VRTN: variants seen among roughly 807,000 people sequenced by gnomAD.
VRTN encodes the protein vertnin.
A neutral mutation model predicts 18.2 loss-of-function variants in VRTN; 5 were observed. The ratio of observed to expected loss-of-function variants is 0.27; its 90% CI spans 0.14 to 0.58. VRTN has a LOEUF of 0.58. Among genes scored for constraint, VRTN ranks in the 20% least tolerant of loss-of-function variants. The pLI is 0.91. For synonymous variants in VRTN, 381 were observed against 393.7 expected, an observed-to-expected ratio of 0.97 and a Z score of 0.38; for missense variants, 741 against 939.4, an observed-to-expected ratio of 0.79 and a Z score of 2.76.
chr14:74,319,016 C>T (rs1346883711), intron 1 of VRTN, among the ~76,000 whole-genome samples: 10 of 151,504 alleles, frequency 6.6e-5, no homozygotes, highest in Non-Finnish European at 1.5e-4. Context: ...TGCCTGGTCT[C>T]GGGATTTTTT....
At position 74,359,245 on chromosome 14, in the gene VRTN, T is replaced by G; in HGVS notation, c.*353T>G. 3 of 217,610 alleles carry G rather than the reference T, an allele frequency of 1.4e-5. No homozygotes were observed. The highest frequency in any genetic ancestry group is 5.3e-5 in the Admixed American group (1 of 18,968). 13.5% of individuals were successfully genotyped at this position (217,610 alleles called of 1,614,324 possible). On this transcript the variant is annotated 3_prime_UTR_variant, in exon 2 of 2. Transcript: ENST00000256362. ...TCAGGGGGTTTAGAGGGGGGTTGGT[T>G]AGCTAGAGCTGCTTTCAGCTTTTCC...
At chr14:74,338,160 A>G (rs1042453761) in intron 2 of VRTN, among the ~76,000 whole-genome samples, 1 of 152,206 alleles carries the variant, frequency 6.6e-6, no homozygotes, top group East Asian at 1.9e-4. Flanking sequence ...CTATGTAACC[A>G]TCATACTGTT....
At chr14:74,350,433 T>C (rs377215182) in intron 1 of VRTN, among the ~76,000 whole-genome samples, 1 of 152,158 alleles carries the variant, frequency 6.6e-6, no homozygotes. Flanking sequence ...CAAGAGGAAG[T>C]GTGGCATATC....
intron 1 of VRTN, among the ~76,000 whole-genome samples, chr14:74,350,869 A>G (rs903838193): frequency 6.6e-6 from 1 of 152,222 alleles, no homozygotes; most frequent in Non-Finnish European, 1.5e-5. Flanking sequence ...GCTGGCAGAT[A>G]CTTGTTAACA....
At chr14:74,321,741 T>C (rs2085457218) in intron 1 of VRTN, among the ~76,000 whole-genome samples, 1 of 151,846 alleles carries the variant, frequency 6.6e-6, no homozygotes, top group South Asian at 2.1e-4. Flanking sequence ...TGACCTCAGG[T>C]GATTCACTTG....
chr14:74,351,530 T>C (rs2085684362), intron 1 of VRTN, among the ~76,000 whole-genome samples: 1 of 132,396 alleles, frequency 7.6e-6, no homozygotes, highest in Admixed American at 8.6e-5. Context: ...TAAGACAGTC[T>C]CACTCTGACA....
At chr14:74,344,869 A>G (rs895395247), upstream of VRTN, among the ~76,000 whole-genome samples, 1 of 152,006 alleles carries the variant, frequency 6.6e-6, no homozygotes, top group Admixed American at 6.6e-5. Flanking sequence ...ATAGTAGACT[A>G]CCATTTGTGC....
rs908309399 is a variant in VRTN at position 74,358,583 on chromosome 14, G to A, written c.1800G>A (p.Glu600=). Residue 600 remains glutamate (E), a synonymous_variant, in exon 2 of 2, where the codon GAG becomes GAA. Coordinates refer to ENST00000256362, the MANE Select transcript of VRTN (RefSeq NM_018228.3). The surrounding 1 kb of genome is among the most constrained non-coding windows in gnomAD (Gnocchi z 5.4). ...PPVGASSEDV[E]GGPSREGALQ... is the part of the protein sequence containing the mutation. Reference sequence around the variant, plus strand: ...TGGGGGCTTCTTCAGAAGATGTAGAGGGAGGGCCTTCCAGAGAGGGGGCCC... The same window carrying A: ...TGGGGGCTTCTTCAGAAGATGTAGAAGGAGGGCCTTCCAGAGAGGGGGCCC... 6.2e-7 allele frequency: 1 copy of A among 1,603,354 alleles called. No homozygotes were observed.
At chr14:74,315,344 GT>G (rs746550948) in intron 1 of VRTN, among the ~76,000 whole-genome samples, 7 of 152,166 alleles carry the variant, frequency 4.6e-5, no homozygotes, top group Non-Finnish European at 8.8e-5. Flanking sequence ...CTCCTGAGTA[GT>G]TGGTATAACA....
chr14:74,320,412 C>T (rs1220750727), intron 1 of VRTN, among the ~76,000 whole-genome samples: 19 of 150,320 alleles, frequency 1.3e-4, no homozygotes, highest in South Asian at 2.1e-4. Flanking sequence ...AGGCGCCCGC[C>T]GCCACCACGC....
At chr14:74,343,503 G>A (rs982641742), upstream of VRTN, among the ~76,000 whole-genome samples, 7 of 152,172 alleles carry the variant, frequency 4.6e-5, no homozygotes, top group Non-Finnish European at 1.5e-5. Context: ...TGAAGGTACG[G>A]CTATACTTGT....
chr14:74,344,473 C>T (rs201781326), upstream of VRTN, among the ~76,000 whole-genome samples: 5 of 149,534 alleles, frequency 3.3e-5, no homozygotes, highest in East Asian at 9.8e-4. Flanking sequence ...TGGCTCACAC[C>T]TGTAATCCTA....
chr14:74,342,787 TC>T (rs929767230), intron 2 of VRTN, among the ~76,000 whole-genome samples: 5 of 152,180 alleles, frequency 3.3e-5, no homozygotes, highest in African/African-American at 1.2e-4. Flanking sequence ...GCTAACTTTT[TC>T]TTTTTTACTT....
At chr14:74,311,175 G>A (rs2085386224) in intron 1 of VRTN, among the ~76,000 whole-genome samples, 1 of 151,986 alleles carries the variant, frequency 6.6e-6, no homozygotes, top group Non-Finnish European at 1.5e-5. Flanking sequence ...TAATCAACTA[G>A]TTTTTTAATT....
intron 1 of VRTN, among the ~76,000 whole-genome samples, chr14:74,349,313 G>T (rs532202567): frequency 3.3e-5 from 4 of 122,116 alleles, no homozygotes; most frequent in South Asian, 6.1e-4. Context: ...AGCAAAGATG[G>T]CTGGCGCTCC....
chr14:74,335,908 T>C (rs1184715597), intron 1 of VRTN, among the ~76,000 whole-genome samples: 1 of 151,644 alleles, frequency 6.6e-6, no homozygotes, highest in African/African-American at 2.4e-5. Flanking sequence ...GCCCAGCTAA[T>C]TTTTGTGTCT....
intron 2 of VRTN, among the ~76,000 whole-genome samples, chr14:74,340,566 A>T (rs1040235107): frequency 6.6e-6 from 1 of 151,980 alleles, no homozygotes. Flanking sequence ...TTGAGTTTCA[A>T]CTCTCACACT....
At chr14:74,322,356 C>T (rs1244780547) in intron 1 of VRTN, among the ~76,000 whole-genome samples, 6 of 151,886 alleles carry the variant, frequency 4.0e-5, no homozygotes, top group Non-Finnish European at 7.4e-5. Flanking sequence ...CACTGTGTTG[C>T]CCAGACAGAT....
intron 1 of VRTN, among the ~76,000 whole-genome samples, chr14:74,320,120 A>G (rs559322464): frequency 5.3e-5 from 8 of 152,200 alleles, no homozygotes; most frequent in African/African-American, 1.7e-4. Context: ...GCATGCTCCT[A>G]TACTCCTAGC....
Sources: gnomAD v4.1 joint callset for allele counts (sites outside exome capture counted in the v4.1 genomes callset) on GRCh38, gnomAD v4.1.1 for gene constraint, Gnocchi (gnomAD v3.1) non-coding constraint, MANE v1.5 for transcripts, NCBI Gene and HGNC (gene_info 2026-07-23, HGNC 2026-07-21) for gene names.